Variants in CHD7 observed in about 807,000 individuals in gnomAD.
CHD7 encodes chromodomain helicase DNA binding protein 7.
A neutral mutation model predicts 307.3 loss-of-function variants in CHD7; 24 were observed. The observed-to-expected ratio is 0.08, with a 90% CI of 0.06 to 0.11. CHD7 has a LOEUF of 0.11. CHD7 is among the 10% of genes least tolerant of loss of function. CHD7 has a pLI of 1.00. For synonymous variants in CHD7, 1,363 were observed against 1,349.9 expected, an observed-to-expected ratio of 1.01 and a Z score of -0.21; for missense variants, 3,106 against 3,727.1, an observed-to-expected ratio of 0.83 and a Z score of 4.34.
chr8:60,713,979 A>G (rs529478069), intron 1 of CHD7, among the ~76,000 whole-genome samples: 1 of 152,136 alleles, frequency 6.6e-6, no homozygotes, highest in Non-Finnish European at 1.5e-5. Flanking sequence ...AGACATAAAT[A>G]ATCTTCAATA....
chr8:60,782,927 A>G (rs1265786714), intron 3 of CHD7, among the ~76,000 whole-genome samples: 1 of 152,198 alleles, frequency 6.6e-6, no homozygotes, highest in Non-Finnish European at 1.5e-5. Flanking sequence ...TATTTCTCCC[A>G]AGGAGAAAGA....
intron 2 of CHD7, among the ~76,000 whole-genome samples, chr8:60,750,273 T>G (rs1040307496): frequency 6.6e-6 from 1 of 152,206 alleles, no homozygotes; most frequent in Non-Finnish European, 1.5e-5. Flanking sequence ...GTGTCTTAGG[T>G]ACCTTCATGA....
intron 8 of CHD7, among the ~76,000 whole-genome samples, chr8:60,819,017 G>A (rs1188224375): frequency 2.6e-5 from 4 of 152,084 alleles, no homozygotes; most frequent in African/African-American, 7.2e-5. Flanking sequence ...GCAGTGGTGC[G>A]ATCTCGGCTC....
intron 4 of CHD7, among the ~76,000 whole-genome samples, chr8:60,800,010 C>G (rs976913193): frequency 6.6e-6 from 1 of 152,014 alleles, no homozygotes; most frequent in African/African-American, 2.4e-5. Flanking sequence ...TCCTTCCACT[C>G]TGCGCCATTA....
intron 1 of CHD7, among the ~76,000 whole-genome samples, chr8:60,690,786 T>C (rs1318500530): frequency 6.6e-6 from 1 of 152,132 alleles, no homozygotes; most frequent in Non-Finnish European, 1.5e-5. Context: ...GTTGTCTCGG[T>C]ATGGTGAATG....
At chr8:60,731,018 A>C (rs1162648421) in intron 1 of CHD7, among the ~76,000 whole-genome samples, 3 of 152,184 alleles carry the variant, frequency 2.0e-5, no homozygotes, top group Non-Finnish European at 4.4e-5. Context: ...CACACTGTAG[A>C]TGCTACCTGC....
intron 1 of CHD7, among the ~76,000 whole-genome samples, chr8:60,726,699 G>A (rs1030846804): frequency 6.6e-6 from 1 of 152,214 alleles, no homozygotes; most frequent in Non-Finnish European, 1.5e-5. Context: ...TTCAGAATCA[G>A]TCTCAGACCT....
At chr8:60,775,520 A>G (rs1173581080) in intron 2 of CHD7, among the ~76,000 whole-genome samples, 1 of 152,232 alleles carries the variant, frequency 6.6e-6, no homozygotes, top group Non-Finnish European at 1.5e-5. Context: ...ATGGACAGAT[A>G]CACATGCTTA....
In CHD7 at chr8:60,826,765, G is replaced by A. The variant is rs548608583; in HGVS notation, c.3379-1898G>A. Among the ~76,000 whole-genome samples, 4 of 152,330 alleles carry A rather than the reference G, an allele frequency of 2.6e-5. No individual in the cohort carries two copies. The South Asian group carries it at 8.3e-4, about 32-fold the overall frequency. ...TCTCGTTGTCCCCCATCCACGAGGA[G>A]GGGATGCTGTGGAGATCATGGTAGT... is the stretch of plus-strand genomic sequence containing the variant. On this transcript the variant is annotated intron_variant, in intron 13 of 37. Transcript: ENST00000423902.
At chr8:60,680,032 G>C (rs1055249754) in intron 1 of CHD7, among the ~76,000 whole-genome samples, 18 of 151,694 alleles carry the variant, frequency 1.2e-4, no homozygotes, top group Admixed American at 9.8e-4. Context: ...ACCTTGTCGA[G>C]CTGGCCGGGC....
At chr8:60,759,649 C>T (rs1489099809) in intron 2 of CHD7, among the ~76,000 whole-genome samples, 2 of 152,154 alleles carry the variant, frequency 1.3e-5, no homozygotes, top group Non-Finnish European at 2.9e-5. Context: ...GGTAAGCCCC[C>T]GTCAGTCATG....
intron 2 of CHD7, among the ~76,000 whole-genome samples, chr8:60,777,038 C>T (rs1031950008): frequency 6.6e-6 from 1 of 152,198 alleles, no homozygotes; most frequent in South Asian, 2.1e-4. Flanking sequence ...TGGCCTGCCT[C>T]TTCTTCACCA....
At chr8:60,785,222 G>A (rs1196592509) in intron 3 of CHD7, among the ~76,000 whole-genome samples, 3 of 152,318 alleles carry the variant, frequency 2.0e-5, no homozygotes, top group African/African-American at 7.2e-5. Flanking sequence ...TGAATGTACA[G>A]AAAGAAGGGA....
At chr8:60,817,868 A>G (rs978787087) in intron 8 of CHD7, among the ~76,000 whole-genome samples, 1 of 152,186 alleles carries the variant, frequency 6.6e-6, no homozygotes, top group African/African-American at 2.4e-5. Flanking sequence ...TCTGTGGGCC[A>G]GGGGGAGGGA....
chr8:60,860,474 G>T (rs1805917563), intron 34 of CHD7, among the ~76,000 whole-genome samples: 1 of 152,178 alleles, frequency 6.6e-6, no homozygotes, highest in Admixed American at 6.5e-5. Context: ...TCACTCTGTT[G>T]CCTAGGCTGG....
chr8:60,782,777 G>A (rs1039235071), intron 3 of CHD7, among the ~76,000 whole-genome samples: 4 of 152,036 alleles, frequency 2.6e-5, no homozygotes, highest in African/African-American at 9.7e-5. Flanking sequence ...TTATTTGCAG[G>A]TACTGTTTTA....
At chr8:60,832,497 A>G (rs35687554) in intron 15 of CHD7, among the ~76,000 whole-genome samples, 29,046 of 152,144 alleles carry the variant, frequency 0.19, 3,898 homozygotes, top group African/African-American at 0.38. Context: ...AGCTTAGGGC[A>G]ACTGATGGAG....
In CHD7 at chr8:60,865,722, A is replaced by G. The variant is rs749935456; in HGVS notation, c.8783A>G (p.Gln2928Arg). The change falls in exon 38 of 38, where the codon CAG becomes CGG. Residue 2928 changes from glutamine to arginine, a missense_variant. Physicochemically the swap from Gln to Arg is conservative, Grantham distance 43. Around this residue, in one of 10 missense-constraint regions of CHD7, gnomAD observed 351 missense variants for 366.2 expected, o/e 0.96. Coordinates refer to ENST00000423902, the MANE Select transcript of CHD7 (RefSeq NM_017780.4). The surrounding 1 kb of genome is among the most constrained non-coding windows in gnomAD (Gnocchi z 4.3). ...GGGTTCCCAGCATTGGCAGGACTTC[A>G]GAATGCCGTGGGCTCCAGCGAAGAA... is the stretch of plus-strand genomic sequence containing the variant. ...LPGFPALAGL[Q>R]NAVGSSEEKA... 6.2e-7 allele frequency: 1 copy of G among 1,609,890 alleles called. No homozygotes were observed. The highest frequency in any genetic ancestry group is 1.1e-5 in the South Asian group (1 of 90,876).
rs776361235 is a variant in CHD7, at chr8:60,865,033, G to A, written c.8094G>A (p.Ser2698=). ...IVKQSGFVPE[S]MFDRLLTGPV... The stretch of plus-strand genomic sequence containing the variant: ...TACTCCAGGGTTTTGTTCCTGAGTC[G>A]ATGTTTGACCGCCTTCTCACTGGGC... The change falls in exon 38 of 38, where the codon TCG becomes TCA. Residue 2698 remains serine, a synonymous_variant. Coordinates refer to ENST00000423902, the MANE Select transcript of CHD7 (RefSeq NM_017780.4). This position sits in a 1 kb window ranked among gnomAD's most constrained non-coding sequence, Gnocchi z 4.3. 7 of 1,601,890 alleles carry A rather than the reference G, an allele frequency of 4.4e-6. No individual in the cohort carries two copies. Among genetic ancestry groups the A allele is most frequent in the East Asian group, 4.5e-5 (2 of 44,524 alleles).
Sources: allele counts gnomAD v4.1 joint callset (sites outside exome capture counted in the v4.1 genomes callset), GRCh38; gene constraint gnomAD v4.1.1; regional missense constraint gnomAD v4.1.1; non-coding constraint Gnocchi (gnomAD v3.1); transcripts MANE v1.5; gene names NCBI Gene and HGNC (gene_info 2026-07-23, HGNC 2026-07-21).